The following PCDH15 variants were observed in gnomAD, a reference collection of about 807,000 sequenced individuals.
PCDH15 encodes the protein protocadherin related 15.
A neutral mutation model predicts 178.5 loss-of-function variants in PCDH15; 129 were observed. The observed-to-expected ratio is 0.72, with a 90% CI of 0.63 to 0.84. The LOEUF (loss-of-function observed/expected upper bound fraction) is 0.84. Among genes scored for constraint, PCDH15 ranks in the 40% least tolerant of loss-of-function variants. The pLI, the probability that PCDH15 is intolerant of heterozygous loss-of-function variation, is 0.00. For synonymous variants in PCDH15, 800 were observed against 732.0 expected (o/e 1.09, Z -1.50); for missense variants, 2,230 against 2,099.9 (o/e 1.06, Z -1.21).
At chr10:55,139,430 T>C (rs890913775) in intron 2 of PCDH15, among the ~76,000 whole-genome samples, 3 of 152,108 alleles carry the variant, frequency 2.0e-5, no homozygotes, top group East Asian at 1.9e-4. Flanking sequence ...TAGATATAAG[T>C]CCATGCTCCA....
In PCDH15 at chr10:55,349,719, T is replaced by A. The variant is rs185116517; in HGVS notation, c.-155-183068A>T. The stretch of plus-strand genomic sequence containing the variant: ...AAAGAATCTTAAAGCAAAATATTTA[T>A]AAAGATTTTTCATTTTCATTATCCT... On this transcript the variant is annotated intron_variant, in intron 2 of 5. Transcript: ENST00000613346. Among the ~76,000 whole-genome samples, 1,168 of 152,256 alleles carry A rather than the reference T, an allele frequency of 7.7e-3. 10 individuals are homozygous for A. Among genetic ancestry groups the A allele is most frequent in the Middle Eastern group, 0.017 (5 of 294 alleles).
At chr10:54,743,746 A>G (rs1945113141) in intron 1 of PCDH15, among the ~76,000 whole-genome samples, 1 of 151,900 alleles carries the variant, frequency 6.6e-6, no homozygotes, top group Non-Finnish European at 1.5e-5. Flanking sequence ...GCTCCTAAAT[A>G]TTAAGGATAA....
At chr10:54,087,656 T>C (rs950985938) in intron 16 of PCDH15, among the ~76,000 whole-genome samples, 6 of 152,246 alleles carry the variant, frequency 3.9e-5, no homozygotes, top group Non-Finnish European at 7.3e-5. Flanking sequence ...TCATTTCTCT[T>C]GCATATGAGC....
chr10:55,293,290 C>A (rs1843053915), intron 1 of PCDH15, among the ~76,000 whole-genome samples: 1 of 151,688 alleles, frequency 6.6e-6, no homozygotes, highest in Admixed American at 6.6e-5. Context: ...AGATGCTGGG[C>A]CTGGCTTACA....
chr10:53,924,260 G>T (rs745456570), intron 25 of PCDH15, among the ~76,000 whole-genome samples: 1 of 152,188 alleles, frequency 6.6e-6, no homozygotes, highest in African/African-American at 2.4e-5. Context: ...GGGCTTGGTG[G>T]ACTCCGCACT....
intron 1 of PCDH15, among the ~76,000 whole-genome samples, chr10:54,757,937 C>T (rs1947378073): frequency 6.6e-6 from 1 of 152,090 alleles, no homozygotes; most frequent in Admixed American, 6.6e-5. Flanking sequence ...TACAGCCATG[C>T]CTGAAAAACT....
intron 8 of PCDH15, among the ~76,000 whole-genome samples, chr10:54,274,282 C>T (rs2058219208): frequency 6.6e-6 from 1 of 152,030 alleles, no homozygotes; most frequent in East Asian, 1.9e-4. Flanking sequence ...TACCCCTAAA[C>T]TTAAAAGTTA....
At chr10:53,840,204 A>C (rs2132757950) in intron 29 of PCDH15, 116 bp downstream of exon 29, 1 of 1,259,786 alleles carries the variant, frequency 7.9e-7, no homozygotes, top group South Asian at 1.2e-5. Flanking sequence ...CTTACACTTC[A>C]CTTTCAGTAA....
chr10:54,179,841 T>A (rs2047811147), intron 13 of PCDH15, among the ~76,000 whole-genome samples: 2 of 152,168 alleles, frequency 1.3e-5, no homozygotes. Flanking sequence ...TTAAGAGAAT[T>A]GCAGATGTTT....
chr10:54,156,161 TG>T (rs748088515), intron 13 of PCDH15, among the ~76,000 whole-genome samples: 11 of 152,336 alleles, frequency 7.2e-5, no homozygotes, highest in Admixed American at 2.0e-4. Context: ...GTGAGCTATT[TG>T]TTTTTTTTAT....
At chr10:54,575,735 G>A (rs1386567822) in intron 2 of PCDH15, among the ~76,000 whole-genome samples, 2 of 152,260 alleles carry the variant, frequency 1.3e-5, no homozygotes, top group African/African-American at 4.8e-5. Context: ...CAGGTATTTA[G>A]TAATAAACAA....
intron 1 of PCDH15, among the ~76,000 whole-genome samples, chr10:54,743,787 T>C (rs1427610705): frequency 6.6e-6 from 1 of 151,624 alleles, no homozygotes; most frequent in Non-Finnish European, 1.5e-5. Context: ...TCCCCATGTT[T>C]TGGGTTATAA....
intron 23 of PCDH15, among the ~76,000 whole-genome samples, chr10:53,942,927 T>G (rs2086198041): frequency 6.6e-6 from 1 of 152,186 alleles, no homozygotes; most frequent in Admixed American, 6.5e-5. Flanking sequence ...AACAATGGAT[T>G]GTTAATTTAT....
chr10:55,176,869 G>A (rs572799954), intron 1 of PCDH15, among the ~76,000 whole-genome samples: 43 of 152,218 alleles, frequency 2.8e-4, no homozygotes, highest in Middle Eastern at 3.4e-3. Context: ...TAACTTGGAT[G>A]GTATTACCAC....
At chr10:54,038,919 G>A (rs1045634658) in intron 18 of PCDH15, among the ~76,000 whole-genome samples, 1 of 151,866 alleles carries the variant, frequency 6.6e-6, no homozygotes, top group Non-Finnish European at 1.5e-5. Context: ...TACCTCAAAG[G>A]TGAAAAAGTC....
intron 2 of PCDH15, among the ~76,000 whole-genome samples, chr10:54,537,028 T>G (rs2084632500): frequency 8.8e-6 from 1 of 113,834 alleles, no homozygotes; most frequent in African/African-American, 3.5e-5. Flanking sequence ...TGAGACGGCG[T>G]CTCTCTCTCG....
intron 2 of PCDH15, among the ~76,000 whole-genome samples, chr10:55,520,668 A>T (rs1841154147): frequency 6.6e-6 from 1 of 151,576 alleles, no homozygotes; most frequent in South Asian, 2.1e-4. Flanking sequence ...ACCAGTGAGC[A>T]TTCAAATGAT....
intron 1 of PCDH15, among the ~76,000 whole-genome samples, chr10:55,300,603 T>C (rs1310095138): frequency 6.6e-6 from 1 of 152,178 alleles, no homozygotes; most frequent in Non-Finnish European, 1.5e-5. Flanking sequence ...TCATATTTTA[T>C]CTAAATAATG....
chr10:55,438,024 G>A (rs1839088168), intron 2 of PCDH15, among the ~76,000 whole-genome samples: 1 of 151,454 alleles, frequency 6.6e-6, no homozygotes, highest in South Asian at 2.1e-4. Context: ...TAGTAGACAC[G>A]GGGTTTCTCC....
Sources: gnomAD v4.1 joint callset for allele counts (sites outside exome capture counted in the v4.1 genomes callset) on GRCh38, gnomAD v4.1.1 for gene constraint, MANE v1.5 for transcripts, NCBI Gene and HGNC (gene_info 2026-07-23, HGNC 2026-07-21) for gene names.